Variants in KMT2D observed in about 807,000 individuals in gnomAD.
The protein encoded by KMT2D is lysine methyltransferase 2D, also known as histone-lysine N-methyltransferase 2D.
In KMT2D, 55 loss-of-function variants were observed where a neutral mutation model predicts 512.7. The ratio of observed to expected loss-of-function variants is 0.11; its 90% CI spans 0.09 to 0.13. The LOEUF is 0.13. Among genes scored for constraint, KMT2D ranks in the 10% least tolerant of loss-of-function variants. KMT2D has a pLI of 1.00. For missense variants in KMT2D, 6,061 were observed against 7,127.9 expected, an observed-to-expected ratio of 0.85 and a Z score of 5.39; for synonymous variants, 2,995 against 2,904.0, an observed-to-expected ratio of 1.03 and a Z score of -1.01.
Position 49,024,159 on chromosome 12 carries a change from A to G in KMT2D, c.16052+419T>C, listed in dbSNP as rs756932199. 1 of 451,952 alleles carries G rather than the reference A, an allele frequency of 2.2e-6. No individual in the cohort carries two copies. Among genetic ancestry groups the G allele is most frequent in the Admixed American group, 2.5e-5 (1 of 40,228 alleles). 28.0% of individuals were successfully genotyped at this position (451,952 alleles called of 1,614,324 possible). A position where few individuals can be genotyped will look rare whatever the true frequency, so the allele number is the denominator to read the frequency against. On this transcript the variant is annotated intron_variant, in intron 51 of 54. Coordinates refer to ENST00000301067, the MANE Select transcript of KMT2D (RefSeq NM_003482.4). The surrounding 1 kb of genome is among the most constrained non-coding windows in gnomAD (Gnocchi z 4.5). ...TGTAAGGTTTTATTATTTTTCTATT[A>G]TATCTCTAACTATTTATTTTTGACA...
At chr12:49,049,071 TG>T in intron 13 of KMT2D, 33 bp downstream of exon 13, 2 of 1,351,286 alleles carry the variant, frequency 1.5e-6, no homozygotes, top group South Asian at 1.2e-5. Context: ...AAAGCATGGT[TG>T]GGGGATGGGA....
Position 49,053,059 on chromosome 12 carries a change from C to G in KMT2D, c.968G>C (p.Cys323Ser), listed in dbSNP as rs78617409. 1 of 1,613,908 alleles carries G rather than the reference C, an allele frequency of 6.2e-7. No individual in the cohort carries two copies. Among genetic ancestry groups the G allele is most frequent in the Admixed American group, 1.7e-5 (1 of 60,010 alleles). Residue 323 changes from cysteine (C) to serine (S), a missense_variant, in exon 9 of 55, where the codon TGC becomes TCC. Transcript: ENST00000301067. ...TGCTGAGCCCGCCCCACAGGCCCGG[C>G]ACACCCGGCACGCCTAAGGGAAGGG... ...HSWKCKACRV[C>S]RACGAGSAEL...
intron 43 of KMT2D, among the ~76,000 whole-genome samples, chr12:49,029,955 G>A (rs1012933513): frequency 1.3e-5 from 2 of 152,198 alleles, no homozygotes; most frequent in Non-Finnish European, 2.9e-5. Context: ...CAGTAACACA[G>A]TTGAATGAAT....
chr12:49,024,581 TTG>T lies in KMT2D; in HGVS notation c.16047_16048del (p.Tyr5349Ter). ...GGCTCCAGCATCACAAGCTCACCGT[TTG>T]TAGTGTGTGAGGATTTTAGGCTCTG... On this transcript the variant is annotated stop_gained and frameshift_variant, in exon 51 of 55. Transcript: ENST00000301067. LOFTEE classifies it high-confidence loss of function. The surrounding 1 kb of genome is among the most constrained non-coding windows in gnomAD (Gnocchi z 4.5). The T allele has an allele frequency of 6.2e-7, 1 of 1,610,460 alleles. No individual in the cohort carries two copies. The highest frequency in any genetic ancestry group is 8.5e-7 in the Non-Finnish European group (1 of 1,177,876).
rs779005582 is a variant in KMT2D, at chr12:49,042,766, C to T, written c.5757G>A (p.Thr1919=). The change falls in exon 27 of 55, where the codon ACG becomes ACA. Residue 1919 remains threonine, a synonymous_variant. Coordinates refer to ENST00000301067, the MANE Select transcript of KMT2D (RefSeq NM_003482.4). This position sits in a 1 kb window ranked among gnomAD's most constrained non-coding sequence, Gnocchi z 4.4. ...CTTGAAGAAAGGGCCTCTGCAGTGG[C>T]GTACGGCTGCCTTCTAGGCCAGGGG... ...CGTPGLEGSR[T]PLQRPFLQGG... 15 of 1,613,720 alleles carry T rather than the reference C, an allele frequency of 9.3e-6. No homozygotes were observed. Among genetic ancestry groups the T allele is most frequent in the African/African-American group, 6.7e-5 (5 of 74,914 alleles).
At chr12:49,035,993 T>G (rs1409518787) in intron 35 of KMT2D, 1 of 152,252 alleles carries the variant, frequency 6.6e-6, no homozygotes. Flanking sequence ...GACAAGTTAC[T>G]TAACCTCCAC....
intron 46 of KMT2D, 73 bp downstream of exon 46, chr12:49,028,755 C>A (rs2120384912): frequency 6.3e-7 from 1 of 1,582,238 alleles, no homozygotes; most frequent in Non-Finnish European, 8.6e-7. Context: ...TACATTTTTC[C>A]TTATCCAGAC....
In KMT2D at chr12:49,019,883, G is replaced by T; in HGVS notation, c.*1897C>A. 1 of 225,676 alleles carries T rather than the reference G, an allele frequency of 4.4e-6. No individual in the cohort carries two copies. The highest frequency in any genetic ancestry group is 8.6e-6 in the Non-Finnish European group (1 of 116,118). 14.0% of individuals were successfully genotyped at this position (225,676 alleles called of 1,614,324 possible). A position where few individuals can be genotyped will look rare whatever the true frequency, so the allele number is the denominator to read the frequency against. ...AAAACAAACCTAAAATCACAACAGC[G>T]ACCAAGCTCCCCCTCCAGCAGGCCC... On this transcript the variant is annotated 3_prime_UTR_variant, in exon 55 of 55. Coordinates refer to ENST00000301067, the MANE Select transcript of KMT2D (RefSeq NM_003482.4).
At position 49,026,941 on chromosome 12, in the gene KMT2D, C is replaced by T. The variant is rs2120364959; in HGVS notation, c.15025G>A (p.Val5009Met). ...GSGRQEDERE[V>M]AEFMEQLGTA... ...CCAAGCTGCTCCATAAACTCTGCCA[C>T]TTCCCGCTCATCCTCCTGCCGCCCA... The change falls in exon 49 of 55, where the codon GTG (valine) becomes ATG (methionine). Residue 5009 changes from valine to methionine, a missense_variant. Val to Met is a conservative substitution (Grantham distance 21). Around this residue, in one of 16 missense-constraint regions of KMT2D, gnomAD observed 1,600 missense variants for 1,754.9 expected, o/e 0.91. Coordinates refer to ENST00000301067, the MANE Select transcript of KMT2D (RefSeq NM_003482.4). The surrounding 1 kb of genome is among the most constrained non-coding windows in gnomAD (Gnocchi z 9.6). The T allele has an allele frequency of 6.2e-7, 1 of 1,614,044 alleles. No individual in the cohort carries two copies. The highest frequency in any genetic ancestry group is 8.5e-7 in the Non-Finnish European group (1 of 1,179,912).
Position 49,019,023 on chromosome 12 carries a change from G to T in KMT2D, c.*2757C>A. The stretch of plus-strand genomic sequence containing the variant: ...TATTTGTCGTTTAAAAACAAACTTG[G>T]AAGAAGCAAAATCCAAAACTTGCCC... On this transcript the variant is annotated 3_prime_UTR_variant, in exon 55 of 55. Transcript: ENST00000301067. 7.2e-7 allele frequency: 1 copy of T among 1,386,580 alleles called. No individual in the cohort carries two copies. The highest frequency in any genetic ancestry group is 9.3e-7 in the Non-Finnish European group (1 of 1,072,880). The allele number at this position is 1,386,580 out of a possible 1,614,324, so 85.9% of individuals were successfully genotyped here.
At position 49,043,729 on chromosome 12, in the gene KMT2D, T is replaced by C. The variant is rs373747431; in HGVS notation, c.5373A>G (p.Ala1791=). Residue 1791 remains alanine, a synonymous_variant, in exon 24 of 55, where the codon GCA becomes GCG. Transcript: ENST00000301067. ...CAAAGCTTGGCCGGCCCACCCCAAC[T>C]GCAAAAAGGGCCTTACGGCTCAGGT... is the stretch of plus-strand genomic sequence containing the variant. ...LLDLSRKALF[A]VGVGRPSFGL... 1 of 1,613,382 alleles carries C rather than the reference T, an allele frequency of 6.2e-7. No homozygotes were observed. The highest frequency in any genetic ancestry group is 1.1e-5 in the South Asian group (1 of 91,030).
chr12:49,052,806 T>A (rs2120690837), intron 9 of KMT2D, 97 bp from the exon 10 acceptor site: 1 of 1,579,340 alleles, frequency 6.3e-7, no homozygotes, highest in South Asian at 1.1e-5. Context: ...TGGATGGCAC[T>A]GCCCACCTTA....
chr12:49,053,161 A>G, intron 8 of KMT2D, 46 bp downstream of exon 8: 1 of 1,610,468 alleles, frequency 6.2e-7, no homozygotes, highest in Non-Finnish European at 8.5e-7. Flanking sequence ...AGAATGCTGT[A>G]GCAGACACAG....
chr12:49,044,684 T>A lies in KMT2D; in HGVS notation c.4963+60A>T. 6.4e-7 allele frequency: 1 copy of A among 1,569,036 alleles called. No homozygotes were observed. The highest frequency in any genetic ancestry group is 1.1e-5 in the South Asian group (1 of 88,788). ...GTGGCAATGTAGCCCCCACCCAACA[T>A]CCCACTCCCAGAGTCACGCTCCCCC... On this transcript the variant is annotated intron_variant, in intron 20 of 54. Transcript: ENST00000301067. This position sits in a 1 kb window ranked among gnomAD's most constrained non-coding sequence, Gnocchi z 6.4.
chr12:49,048,808 T>C, intron 13 of KMT2D, 39 bp from the exon 14 acceptor site: 1 of 1,367,556 alleles, frequency 7.3e-7, no homozygotes, highest in Non-Finnish European at 1.0e-6. Flanking sequence ...GGCAGATAAA[T>C]CTGCCCCCAC....
At chr12:49,029,368 G>T (rs549148214) in intron 44 of KMT2D, 33 bp downstream of exon 44, 2 of 1,555,734 alleles carry the variant, frequency 1.3e-6, no homozygotes, top group Non-Finnish European at 1.7e-6. Context: ...CCCCACCCTT[G>T]TTCCTCATCC....
In KMT2D at chr12:49,050,196, G is replaced by A. The variant is rs201623566; in HGVS notation, c.3392C>T (p.Pro1131Leu). 1,692 of 1,613,752 alleles carry A rather than the reference G, an allele frequency of 1.0e-3. 3 individuals carry two copies. The highest frequency in any genetic ancestry group is 1.0e-3 in the Non-Finnish European group (1,178 of 1,179,860). Residue 1131 changes from proline (P) to leucine (L), a missense_variant, in exon 12 of 55, where the codon CCG (proline) becomes CTG (leucine). This residue lies in a region of KMT2D where 447 missense variants were observed against 500.1 expected (regional missense o/e 0.89). Coordinates refer to ENST00000301067, the MANE Select transcript of KMT2D (RefSeq NM_003482.4). Reference sequence around the variant, plus strand: ...CTGTCCAGGCTCTGGCTGTGAACCCGGAGCATCAATCCCATCCAGAGGGGC... The same window carrying A: ...CTGTCCAGGCTCTGGCTGTGAACCCAGAGCATCAATCCCATCCAGAGGGGC... ...DTAPLDGIDAPGSQPEPGQTP... is the reference protein window; with the variant it reads ...DTAPLDGIDALGSQPEPGQTP...
chr12:49,029,380 C>A, intron 44 of KMT2D, 21 bp downstream of exon 44: 2 of 1,556,680 alleles, frequency 1.3e-6, no homozygotes, highest in South Asian at 1.2e-5. Context: ...TCCTCATCCC[C>A]ATTTCTGGCC....
In KMT2D at chr12:49,029,076, G is replaced by T. The variant is rs371377859; in HGVS notation, c.14236C>A (p.Arg4746=). ...TAGCACATACCTGGGATGCTGGCCCGAGGAATGAGGGGGATGACAGGGGAG... is the reference window on the plus strand; with the variant it reads ...TAGCACATACCTGGGATGCTGGCCCTAGGAATGAGGGGGATGACAGGGGAG... The part of the protein sequence containing the change: ...ALSPVIPLIP[R]ASIPVFPDTK... The change falls in exon 45 of 55, where the codon CGG becomes AGG. Residue 4746 remains arginine (R), a synonymous_variant. Coordinates refer to ENST00000301067, the MANE Select transcript of KMT2D (RefSeq NM_003482.4). 1 of 1,603,704 alleles carries T rather than the reference G, an allele frequency of 6.2e-7. No homozygotes were observed. The highest frequency in any genetic ancestry group is 1.3e-5 in the African/African-American group (1 of 74,894).
Sources: gnomAD v4.1 joint callset for allele counts (sites outside exome capture counted in the v4.1 genomes callset) on GRCh38, gnomAD v4.1.1 for gene constraint, gnomAD v4.1.1 regional missense constraint, Gnocchi (gnomAD v3.1) non-coding constraint, MANE v1.5 for transcripts, NCBI Gene and HGNC (gene_info 2026-07-23, HGNC 2026-07-21) for gene names.